Variants in SCN7A observed in about 807,000 individuals in gnomAD.
SCN7A encodes the protein sodium channel protein type 7 subunit alpha.
A neutral mutation model predicts 155.2 loss-of-function variants in SCN7A; 138 were observed. That is an observed-to-expected ratio of 0.89 (90% CI 0.77 to 1.02). The LOEUF is 1.02. Among genes scored for constraint, SCN7A ranks in the 50% least tolerant of loss-of-function variants. The pLI is 0.00. For missense variants in SCN7A, 2,058 were observed against 1,986.6 expected, an observed-to-expected ratio of 1.04 and a Z score of -0.68; for synonymous variants, 693 against 649.0, an observed-to-expected ratio of 1.07 and a Z score of -1.03.
At position 166,406,223 on chromosome 2, in the gene SCN7A, G is replaced by A; in HGVS notation, c.4406C>T (p.Pro1469Leu). 1 of 1,613,028 alleles carries A rather than the reference G, an allele frequency of 6.2e-7. No homozygotes were observed. Among genetic ancestry groups the A allele is most frequent in the Non-Finnish European group, 8.5e-7 (1 of 1,179,492 alleles). ...GTQVRGDCGN[P>L]SVGIFYFVSY... ...GACAAAATAAAAAATCCCAACAGAGGGGTTCCCACAATCTCCTCTAACTTG... is the reference window on the plus strand; with the variant it reads ...GACAAAATAAAAAATCCCAACAGAGAGGTTCCCACAATCTCCTCTAACTTG... Residue 1469 changes from proline (P) to leucine (L), a missense_variant, in exon 26 of 26, where the codon CCC (proline) becomes CTC (leucine). Transcript: ENST00000643258.
Position 166,484,657 on chromosome 2 carries a change from AC to A in SCN7A, c.-15+2198del, listed in dbSNP as rs1475596928. ...GGCTCAAATACTATTAAGGTATATCACAGTCAAATCTTGAAAACAATTTGGA... is the reference window on the plus strand; with the variant it reads ...GGCTCAAATACTATTAAGGTATATCAAGTCAAATCTTGAAAACAATTTGGA... On this transcript the variant is annotated intron_variant, in intron 2 of 25. Transcript: ENST00000643258. Among the ~76,000 whole-genome samples, 3 of 152,118 alleles carry A rather than the reference AC, an allele frequency of 2.0e-5. No individual in the cohort carries two copies. In the East Asian group the frequency reaches 5.8e-4, roughly 29 times the overall value.
rs371299943 is a variant in SCN7A, at chr2:166,456,907, G to T, written c.1253C>A (p.Thr418Asn). ...ATTTCCTTCTTGAAGTTCTTTTCCA[G>T]TCTGTTGAAATTTTGGTTCAATCTT... Reference protein sequence around the residue: ...SKKIEPKFQQTGKELQEGNET... With the variant: ...SKKIEPKFQQNGKELQEGNET... The change falls in exon 11 of 26, where the codon ACT (threonine) becomes AAT (asparagine). Residue 418 changes from threonine (T) to asparagine (N), a missense_variant. Thr to Asn is a moderately conservative substitution (Grantham distance 65, BLOSUM62 0). Coordinates refer to ENST00000643258, the MANE Select transcript of SCN7A (RefSeq NM_002976.4). The T allele has an allele frequency of 1.7e-5, 27 of 1,553,620 alleles. No individual in the cohort carries two copies. The highest frequency in any genetic ancestry group is 2.2e-5 in the Non-Finnish European group (25 of 1,148,014).
At position 166,423,314 on chromosome 2, in the gene SCN7A, C is replaced by A. The variant is rs781566962; in HGVS notation, c.2972G>T (p.Gly991Val). The change falls in exon 19 of 26, where the codon GGT (glycine) becomes GTT (valine). Residue 991 changes from glycine (G) to valine (V), a missense_variant. Transcript: ENST00000643258. ...LEMLLKWMAY[G>V]FKAYFSNGWY... ...GCCATTAGAGAAATAGGCCTTAAAA[C>A]CATATGCCATCCATTTTAGAAGCAT... 3.7e-6 allele frequency: 6 copies of A among 1,612,156 alleles called. No homozygotes were observed. The highest frequency in any genetic ancestry group is 5.1e-6 in the Non-Finnish European group (6 of 1,179,104).
At chr2:166,454,132 A>T (rs1350241781) in intron 11 of SCN7A, among the ~76,000 whole-genome samples, 1 of 152,182 alleles carries the variant, frequency 6.6e-6, no homozygotes, top group Non-Finnish European at 1.5e-5. Context: ...AAGTATTGTT[A>T]CATTCTTGGA....
intron 9 of SCN7A, among the ~76,000 whole-genome samples, chr2:166,463,568 C>T (rs1178613957): frequency 6.6e-6 from 1 of 152,110 alleles, no homozygotes; most frequent in African/African-American, 2.4e-5. Context: ...TTGAAATATA[C>T]CATTGTATCC....
chr2:166,431,489 G>C (rs904633067), intron 16 of SCN7A, among the ~76,000 whole-genome samples: 13 of 152,054 alleles, frequency 8.5e-5, no homozygotes, highest in Admixed American at 5.9e-4. Flanking sequence ...GCCCCTGAGT[G>C]ATCTGAAATG....
intron 11 of SCN7A, among the ~76,000 whole-genome samples, chr2:166,455,723 A>G: frequency 6.6e-6 from 1 of 152,160 alleles, no homozygotes; most frequent in South Asian, 2.1e-4. Context: ...TGTTCCATCA[A>G]TACCTAGTTT....
chr2:166,411,243 A>G (rs891235716), intron 23 of SCN7A, among the ~76,000 whole-genome samples: 6 of 152,004 alleles, frequency 3.9e-5, no homozygotes, highest in African/African-American at 4.8e-5. Flanking sequence ...TACATTTTAA[A>G]TTTCATGTGG....
intron 11 of SCN7A, among the ~76,000 whole-genome samples, chr2:166,450,970 C>T (rs191488493): frequency 9.2e-5 from 14 of 152,182 alleles, no homozygotes; most frequent in Admixed American, 5.2e-4. Flanking sequence ...TAAGATCCGA[C>T]GGGGATTTCT....
rs1701957802 is a variant in SCN7A at position 166,441,466 on chromosome 2, C to G, written c.2087G>C (p.Cys696Ser). Residue 696 changes from cysteine (C) to serine (S), a missense_variant, in exon 15 of 26, where the codon TGT becomes TCT. Physicochemically the swap from Cys to Ser is moderately radical, Grantham distance 112. Transcript: ENST00000643258. The part of the protein sequence containing the change: ...CGEWVETLWD[C>S]MEVAGQSWCI... ...CCAGGATTGGCCTGCAACCTCCATA[C>G]AGTCCCACAAGGTCTCTACCCACTC... 3 of 1,613,870 alleles carry G rather than the reference C, an allele frequency of 1.9e-6. No individual in the cohort carries two copies. Among genetic ancestry groups the G allele is most frequent in the Non-Finnish European group, 2.5e-6 (3 of 1,179,934 alleles).
rs1304067495 is a variant in SCN7A at position 166,456,829 on chromosome 2, TAGATAG to T, written c.1290+35_1290+40del. ...ATATATATATATATATATATATATA[TAGATAG>T]ATAGATAGATAGATAGATAGATAGA... is the stretch of plus-strand genomic sequence containing the variant. On this transcript the variant is annotated intron_variant, in intron 11 of 25. Coordinates refer to ENST00000643258, the MANE Select transcript of SCN7A (RefSeq NM_002976.4). The T allele has an allele frequency of 3.7e-5, 27 of 739,288 alleles. No individual in the cohort carries two copies. The East Asian group carries it at 7.0e-4, about 19-fold the overall frequency. The allele number at this position is 739,288 out of a possible 1,614,324, so 45.8% of individuals were successfully genotyped here. A position where few individuals can be genotyped will look rare whatever the true frequency, so the allele number is the denominator to read the frequency against.
At chr2:166,407,059 C>T (rs1701092450) in intron 25 of SCN7A, among the ~76,000 whole-genome samples, 1 of 151,988 alleles carries the variant, frequency 6.6e-6, no homozygotes, top group African/African-American at 2.4e-5. Context: ...AGATGAATGA[C>T]ATGATTTCTG....
chr2:166,420,110 A>G (rs1023956829), intron 20 of SCN7A, among the ~76,000 whole-genome samples: 1 of 152,046 alleles, frequency 6.6e-6, no homozygotes, highest in Non-Finnish European at 1.5e-5. Context: ...AATTATTAAA[A>G]TTTCTGAAAT....
At chr2:166,478,981 A>G (rs1702861938) in intron 2 of SCN7A, among the ~76,000 whole-genome samples, 1 of 152,070 alleles carries the variant, frequency 6.6e-6, no homozygotes, top group African/African-American at 2.4e-5. Flanking sequence ...CAATGATTCT[A>G]TTCAATGTCA....
At chr2:166,477,908 A>C (rs1055147150) in intron 2 of SCN7A, among the ~76,000 whole-genome samples, 198 bp from the exon 3 acceptor site, 1 of 152,010 alleles carries the variant, frequency 6.6e-6, no homozygotes, top group Non-Finnish European at 1.5e-5. Flanking sequence ...TGAGTAACTC[A>C]GTCTGCTTCA....
chr2:166,461,449 G>A (rs1459767134), intron 10 of SCN7A, among the ~76,000 whole-genome samples: 4 of 151,952 alleles, frequency 2.6e-5, no homozygotes, highest in East Asian at 1.9e-4. Flanking sequence ...AATTAGTTAC[G>A]AATACAGACT....
rs766300111 is a variant in SCN7A at position 166,470,658 on chromosome 2, A to G, written c.621T>C (p.Thr207=). ...SPLDFIPTLQ[T]ARTLRILKII... Reference sequence around the variant, plus strand: ...TTTTTAAAATTCTCAAAGTTCTTGCAGTTTGAAGCGTTGGAATGAAGTCCA... The same window carrying G: ...TTTTTAAAATTCTCAAAGTTCTTGCGGTTTGAAGCGTTGGAATGAAGTCCA... The change falls in exon 7 of 26, where the codon ACT becomes ACC. Residue 207 remains threonine (T), a synonymous_variant. Transcript: ENST00000643258. The G allele has an allele frequency of 5.0e-6, 8 of 1,609,114 alleles. No homozygotes were observed. The highest frequency in any genetic ancestry group is 6.8e-6 in the Non-Finnish European group (8 of 1,177,034).
chr2:166,462,152 T>TTC (rs138547688), intron 10 of SCN7A: 210 of 342,088 alleles, frequency 6.1e-4, no homozygotes, highest in South Asian at 9.6e-4. Flanking sequence ...CTCTCCTCTC[T>TTC]TCTCTCTCTC....
chr2:166,488,145 A>G (rs1324429561), intron 1 of SCN7A, among the ~76,000 whole-genome samples: 1 of 152,226 alleles, frequency 6.6e-6, no homozygotes, highest in South Asian at 2.1e-4. Context: ...CAATTTAGTG[A>G]CCAACTTATA....
Sources: gnomAD v4.1 joint callset for allele counts (sites outside exome capture counted in the v4.1 genomes callset) on GRCh38, gnomAD v4.1.1 for gene constraint, MANE v1.5 for transcripts, NCBI Gene and HGNC (gene_info 2026-07-23, HGNC 2026-07-21) for gene names.